Variants in CDH13 observed in about 807,000 individuals in gnomAD.
CDH13 encodes cadherin-13.
A neutral mutation model predicts 63.8 loss-of-function variants in CDH13; 24 were observed. That is an observed-to-expected ratio of 0.38 (90% CI 0.27 to 0.53). The LOEUF (loss-of-function observed/expected upper bound fraction) is 0.53, where lower values mean the gene tolerates loss of function less well. CDH13 is among the 20% of genes least tolerant of loss of function. The pLI, the probability that CDH13 is intolerant of heterozygous loss-of-function variation, is 0.85. For synonymous variants in CDH13, 503 were observed against 355.3 expected (o/e 1.42, Z -4.67); for missense variants, 1,049 against 903.1 (o/e 1.16, Z -2.07).
intron 8 of CDH13, among the ~76,000 whole-genome samples, chr16:83,623,660 C>T (rs1030700044): frequency 6.6e-6 from 1 of 152,168 alleles, no homozygotes; most frequent in African/African-American, 2.4e-5. Flanking sequence ...TATATCAGAG[C>T]CAGAACCAGT....
intron 7 of CDH13, among the ~76,000 whole-genome samples, chr16:83,565,959 C>G (rs1055947037): frequency 2.0e-5 from 3 of 152,168 alleles, no homozygotes; most frequent in Admixed American, 6.5e-5. Flanking sequence ...ACCCACCTCT[C>G]ATGCTATAGC....
intron 2 of CDH13, among the ~76,000 whole-genome samples, chr16:82,944,778 A>G (rs1567682571): frequency 6.6e-6 from 1 of 151,598 alleles, no homozygotes; most frequent in African/African-American, 2.4e-5. Context: ...GAGAGAGAGA[A>G]AGAGAGAGAG....
chr16:82,775,921 A>G (rs374703388), intron 1 of CDH13, among the ~76,000 whole-genome samples: 2 of 152,162 alleles, frequency 1.3e-5, no homozygotes, highest in Non-Finnish European at 2.9e-5. Context: ...AAGAAAGGGC[A>G]CTATCAGGCT....
intron 6 of CDH13, among the ~76,000 whole-genome samples, chr16:83,379,938 T>TATATATATATATAGAGAGAGAGAGAGAG: frequency 3.5e-4 from 43 of 123,448 alleles, no homozygotes; most frequent in South Asian, 1.7e-3. Flanking sequence ...TATATATATA[T>TATATATATATATAGAGAGAGAGAGAGAG]AGAGAGAGAG....
At chr16:82,796,326 A>G (rs1245511343) in intron 1 of CDH13, among the ~76,000 whole-genome samples, 1 of 152,068 alleles carries the variant, frequency 6.6e-6, no homozygotes, top group Non-Finnish European at 1.5e-5. Context: ...CATCTTTCCA[A>G]TCTCGCTCTT....
At chr16:82,766,390 T>C (rs935515439) in intron 1 of CDH13, among the ~76,000 whole-genome samples, 2 of 152,200 alleles carry the variant, frequency 1.3e-5, no homozygotes, top group African/African-American at 4.8e-5. Context: ...GATCTGAGGT[T>C]GGGGAATATT....
chr16:83,466,592 CA>C (rs1478188651), intron 6 of CDH13, among the ~76,000 whole-genome samples: 1 of 152,176 alleles, frequency 6.6e-6, no homozygotes, highest in African/African-American at 2.4e-5. Flanking sequence ...TTCATCAACC[CA>C]AAACTCAGGG....
intron 10 of CDH13, among the ~76,000 whole-genome samples, chr16:83,690,229 G>GA (rs1348969004): frequency 2.6e-5 from 4 of 152,268 alleles, no homozygotes; most frequent in African/African-American, 9.6e-5. Context: ...GTGGAAGAGA[G>GA]AAAATGAATG....
At chr16:83,008,196 G>A (rs143206201) in intron 2 of CDH13, among the ~76,000 whole-genome samples, 2 of 152,252 alleles carry the variant, frequency 1.3e-5, no homozygotes, top group East Asian at 1.9e-4. Context: ...AACATACTAT[G>A]GGATACGTTT....
At chr16:83,315,207 G>A (rs16960229) in intron 5 of CDH13, among the ~76,000 whole-genome samples, 3,379 of 152,278 alleles carry the variant, frequency 0.022, 77 homozygotes, top group East Asian at 0.092. Context: ...TAAGTATGGC[G>A]TCTTACCAGT....
intron 7 of CDH13, among the ~76,000 whole-genome samples, chr16:83,508,804 G>T (rs1567723049): frequency 6.6e-6 from 1 of 152,214 alleles, no homozygotes; most frequent in Non-Finnish European, 1.5e-5. Context: ...AATAGGCAGA[G>T]AGCTAGCTGG....
At chr16:83,386,224 A>G (rs1386743807) in intron 6 of CDH13, among the ~76,000 whole-genome samples, 1 of 152,246 alleles carries the variant, frequency 6.6e-6, no homozygotes, top group Non-Finnish European at 1.5e-5. Flanking sequence ...ACCAGCCCAG[A>G]GCCACATGGA....
rs1044656391 is a variant in CDH13, at chr16:83,612,218, A to G, written c.1101+9624A>G. 7.9e-5 allele frequency among the ~76,000 whole-genome samples: 12 copies of G among 152,188 alleles called. No homozygotes were observed. The East Asian group carries it at 1.3e-3, about 17-fold the overall frequency. On this transcript the variant is annotated intron_variant, in intron 8 of 13. Coordinates refer to ENST00000567109, the MANE Select transcript of CDH13 (RefSeq NM_001257.5). ...AGATGTATACAAATTTAAAATTGTT[A>G]TATCTTCCTAATGCATTGACTCTTT...
chr16:83,255,381 C>T (rs750513640), intron 5 of CDH13, among the ~76,000 whole-genome samples: 36 of 152,256 alleles, frequency 2.4e-4, no homozygotes, highest in Middle Eastern at 3.4e-3. Context: ...AAATTAGGAA[C>T]GCCTGCAGAA....
chr16:83,040,159 C>G (rs1188482877), intron 3 of CDH13, among the ~76,000 whole-genome samples: 1 of 151,912 alleles, frequency 6.6e-6, no homozygotes, highest in Non-Finnish European at 1.5e-5. Flanking sequence ...TACCTCTGCT[C>G]CAGGTTCCTC....
chr16:83,747,309 C>A (rs1056666503), intron 10 of CDH13, among the ~76,000 whole-genome samples: 1 of 152,118 alleles, frequency 6.6e-6, no homozygotes, highest in South Asian at 2.1e-4. Context: ...GCGGGTCTTT[C>A]CCATGCTGTT....
chr16:83,613,769 G>A (rs572069274), intron 8 of CDH13, among the ~76,000 whole-genome samples: 2 of 152,198 alleles, frequency 1.3e-5, no homozygotes, highest in East Asian at 3.9e-4. Context: ...AGAGTTGGAG[G>A]TTGCATTGAG....
chr16:83,673,187 C>G (rs1217960115), intron 9 of CDH13, among the ~76,000 whole-genome samples: 1 of 152,200 alleles, frequency 6.6e-6, no homozygotes, highest in African/African-American at 2.4e-5. Flanking sequence ...CTACTGTTGT[C>G]AAGTACACAA....
At chr16:82,860,618 C>T (rs767270753) in intron 2 of CDH13, among the ~76,000 whole-genome samples, 58 of 147,278 alleles carry the variant, frequency 3.9e-4, no homozygotes, top group Non-Finnish European at 7.3e-4. Flanking sequence ...TTGGTGAAAC[C>T]GTATGTCCAT....
Sources: allele counts gnomAD v4.1 joint callset (sites outside exome capture counted in the v4.1 genomes callset), GRCh38; gene constraint gnomAD v4.1.1; transcripts MANE v1.5; gene names NCBI Gene and HGNC (gene_info 2026-07-23, HGNC 2026-07-21).